Variants in NRXN3 observed in about 807,000 individuals in gnomAD.
NRXN3 encodes neurexin III.
A neutral mutation model predicts 137.6 loss-of-function variants in NRXN3; 32 were observed. The observed-to-expected ratio is 0.23, with a 90% confidence interval of 0.18 to 0.31. NRXN3 has a LOEUF of 0.31. Among genes scored for constraint, NRXN3 ranks in the 10% least tolerant of loss-of-function variants. The probability of loss-of-function intolerance (pLI) is 1.00; values close to 1 mark genes in which losing one functional copy is unlikely to be tolerated. For synonymous variants in NRXN3, 798 were observed against 784.5 expected (o/e 1.02, Z -0.29); for missense variants, 1,574 against 2,062.5 (o/e 0.76, Z 4.59).
chr14:78,431,317 G>A (rs953217777), intron 4 of NRXN3, among the ~76,000 whole-genome samples: 1 of 152,134 alleles, frequency 6.6e-6, no homozygotes, highest in Non-Finnish European at 1.5e-5. Context: ...TACTGTCATC[G>A]CTTGACCTCA....
At chr14:78,197,833 C>T (rs1365083302) in intron 1 of NRXN3, among the ~76,000 whole-genome samples, 2 of 152,198 alleles carry the variant, frequency 1.3e-5, no homozygotes, top group Non-Finnish European at 2.9e-5. Flanking sequence ...TAAAACACCT[C>T]CAGTCCATGG....
chr14:78,736,713 C>T (rs1380899346), intron 8 of NRXN3, among the ~76,000 whole-genome samples: 3 of 152,114 alleles, frequency 2.0e-5, no homozygotes, highest in African/African-American at 2.4e-5. Flanking sequence ...CTTCTGGGTA[C>T]TAGGGATACA....
At chr14:79,594,467 A>G (rs1348892151) in intron 16 of NRXN3, among the ~76,000 whole-genome samples, 2 of 152,210 alleles carry the variant, frequency 1.3e-5, no homozygotes, top group Non-Finnish European at 2.9e-5. Context: ...AATAAATATT[A>G]TATACTTTTG....
intron 8 of NRXN3, among the ~76,000 whole-genome samples, chr14:78,798,403 T>C (rs116032198): frequency 0.013 from 1,939 of 152,348 alleles, 44 homozygotes; most frequent in African/African-American, 0.045. Flanking sequence ...GTAATGCTGA[T>C]GCAAGAGGTG....
chr14:79,380,149 C>CTTT (rs949863265), intron 15 of NRXN3, among the ~76,000 whole-genome samples: 23 of 48,882 alleles, frequency 4.7e-4, no homozygotes, highest in East Asian at 7.2e-4. Context: ...TATACTTCTT[C>CTTT]TTTTTTTTTT....
intron 10 of NRXN3, among the ~76,000 whole-genome samples, chr14:78,827,778 C>T (rs972455188): frequency 1.3e-5 from 2 of 152,230 alleles, no homozygotes; most frequent in African/African-American, 4.8e-5. Context: ...CCAGGCCTCA[C>T]TCAAAACAGT....
At chr14:79,385,204 T>TCCCCCC (rs557799323) in intron 15 of NRXN3, among the ~76,000 whole-genome samples, 7 of 90,486 alleles carry the variant, frequency 7.7e-5, no homozygotes, top group Admixed American at 1.4e-4. Context: ...ATGCTATCCT[T>TCCCCCC]CCCCCCGCCC....
At chr14:78,327,206 G>C (rs2080215453) in intron 4 of NRXN3, among the ~76,000 whole-genome samples, 1 of 152,154 alleles carries the variant, frequency 6.6e-6, no homozygotes, top group Non-Finnish European at 1.5e-5. Context: ...GAAGTGCAAA[G>C]GCAACAAAGA....
intron 15 of NRXN3, among the ~76,000 whole-genome samples, chr14:79,391,905 A>T (rs891353898): frequency 4.3e-4 from 66 of 152,114 alleles, no homozygotes; most frequent in African/African-American, 1.4e-3. Flanking sequence ...CTCAGAGGAG[A>T]GTGTTTAGAA....
intron 16 of NRXN3, among the ~76,000 whole-genome samples, chr14:79,612,715 G>A (rs2098117550): frequency 6.6e-6 from 1 of 152,128 alleles, no homozygotes; most frequent in Non-Finnish European, 1.5e-5. Context: ...GTCTAGTGTG[G>A]TGGCACATGC....
At chr14:78,606,082 G>A (rs1239163711) in intron 4 of NRXN3, among the ~76,000 whole-genome samples, 2 of 152,062 alleles carry the variant, frequency 1.3e-5, no homozygotes, top group East Asian at 3.9e-4. Context: ...GATCAAGCAG[G>A]ACAAGGGACA....
intron 10 of NRXN3, among the ~76,000 whole-genome samples, chr14:78,846,023 A>G (rs2099025965): frequency 6.6e-6 from 1 of 151,870 alleles, no homozygotes; most frequent in South Asian, 2.1e-4. Context: ...TTTGCTTAAG[A>G]TGTGTCTGTT....
intron 19 of NRXN3, among the ~76,000 whole-genome samples, chr14:79,773,581 G>A (rs913640126): frequency 2.2e-5 from 3 of 134,592 alleles, no homozygotes; most frequent in Non-Finnish European, 4.6e-5. Flanking sequence ...TGAACAATGA[G>A]AACACATGGA....
At chr14:78,965,940 A>C in intron 11 of NRXN3, 85 bp from the exon 12 acceptor site, 1 of 1,438,008 alleles carries the variant, frequency 7.0e-7, no homozygotes, top group Non-Finnish European at 9.5e-7. Flanking sequence ...GTGTGGAAAC[A>C]GGTTACACCC....
chr14:79,629,459 C>A (rs2098319433), intron 16 of NRXN3, among the ~76,000 whole-genome samples: 1 of 152,180 alleles, frequency 6.6e-6, no homozygotes, highest in Non-Finnish European at 1.5e-5. Flanking sequence ...ATTTTACTAC[C>A]TTTCTTCTTC....
rs34364549 is a variant in NRXN3, at chr14:78,632,411, A to AT, written c.758-12698dup. ...TATGTGACATGCTATGCAAACGTGT[A>AT]TTTTTTTTTTTAAAGAAATGAATAG... On this transcript the variant is annotated intron_variant, in intron 4 of 20. Coordinates refer to ENST00000335750, the MANE Select transcript of NRXN3 (RefSeq NM_001330195.2). Among the ~76,000 whole-genome samples, 505 of 148,518 alleles carry AT rather than the reference A, an allele frequency of 3.4e-3. 2 individuals are homozygous for AT. Among genetic ancestry groups the AT allele is most frequent in the African/African-American group, 8.0e-3 (327 of 40,664 alleles).
At chr14:79,100,468 A>C (rs966793956) in intron 15 of NRXN3, among the ~76,000 whole-genome samples, 8 of 152,240 alleles carry the variant, frequency 5.3e-5, no homozygotes, top group Non-Finnish European at 1.2e-4. Context: ...CAAATGATCC[A>C]TCCAGGTGAT....
chr14:78,983,266 C>A (rs1053937818), intron 14 of NRXN3, among the ~76,000 whole-genome samples: 1 of 152,134 alleles, frequency 6.6e-6, no homozygotes, highest in Non-Finnish European at 1.5e-5. Flanking sequence ...AATAGAATTA[C>A]CATATGATTC....
chr14:79,387,701 A>G (rs1203443576), intron 15 of NRXN3, among the ~76,000 whole-genome samples: 1 of 151,940 alleles, frequency 6.6e-6, no homozygotes. Flanking sequence ...CTTGGAACCA[A>G]GCCAAATGTC....
Sources: gnomAD v4.1 joint callset for allele counts (sites outside exome capture counted in the v4.1 genomes callset) on GRCh38, gnomAD v4.1.1 for gene constraint, MANE v1.5 for transcripts, NCBI Gene and HGNC (gene_info 2026-07-23, HGNC 2026-07-21) for gene names.